The following MLLT3 variants were observed in gnomAD, a reference collection of about 807,000 sequenced individuals.
MLLT3 encodes MLLT3 super elongation complex subunit, also known as protein AF-9.
Under a neutral mutation model 53.2 loss-of-function variants are expected in MLLT3, and 4 were observed. That is an observed-to-expected ratio of 0.08 (90% CI 0.04 to 0.17). MLLT3 has a LOEUF of 0.17. MLLT3 is among the 10% of genes least tolerant of loss of function. The pLI is 1.00. For missense variants in MLLT3, 569 were observed against 684.0 expected (o/e 0.83, Z 1.87); for synonymous variants, 283 against 230.6 (o/e 1.23, Z -2.06).
At chr9:20,546,287 A>AAAAT (rs776627081) in intron 2 of MLLT3, among the ~76,000 whole-genome samples, 27 of 152,300 alleles carry the variant, frequency 1.8e-4, no homozygotes, top group African/African-American at 5.8e-4. Flanking sequence ...TGCCACTTAA[A>AAAAT]AAATAAATAA....
chr9:20,391,017 A>G (rs944333853), intron 5 of MLLT3, among the ~76,000 whole-genome samples: 7 of 152,238 alleles, frequency 4.6e-5, no homozygotes, highest in Non-Finnish European at 7.3e-5. Flanking sequence ...AAAATGCACA[A>G]TCTAGGCATA....
At position 20,622,398 on chromosome 9, in the gene MLLT3, T is replaced by C; in HGVS notation, c.-142A>G. The C allele has an allele frequency of 1.3e-6, 1 of 752,428 alleles. No homozygotes were observed. 46.6% of individuals were successfully genotyped at this position (752,428 alleles called of 1,614,324 possible). A position where few individuals can be genotyped will look rare whatever the true frequency, so the allele number is the denominator to read the frequency against. ...GGTAGATGGCGGACATTCTCTGCCT[T>C]TTTCCCCCCGCGCTCGCTTGCTCGC... On this transcript the variant is annotated 5_prime_UTR_variant, in exon 1 of 11. Coordinates refer to ENST00000380338, the MANE Select transcript of MLLT3 (RefSeq NM_004529.4).
At chr9:20,464,644 G>C (rs917008604) in intron 2 of MLLT3, among the ~76,000 whole-genome samples, 8 of 152,016 alleles carry the variant, frequency 5.3e-5, no homozygotes. Context: ...CATTTAAGTT[G>C]AGACCTGAAA....
At chr9:20,346,654 C>CAAATATGG in intron 10 of MLLT3, 80 bp from the exon 11 acceptor site, 1 of 1,344,786 alleles carries the variant, frequency 7.4e-7, no homozygotes, top group Non-Finnish European at 1.0e-6. Flanking sequence ...GAGGGGCGAT[C>CAAATATGG]AAATATGGAA....
At chr9:20,527,125 TG>T (rs1161444226) in intron 2 of MLLT3, among the ~76,000 whole-genome samples, 1 of 152,168 alleles carries the variant, frequency 6.6e-6, no homozygotes, top group Non-Finnish European at 1.5e-5. Flanking sequence ...GGTAAGGTTA[TG>T]TAACCAGCCT....
intron 2 of MLLT3, among the ~76,000 whole-genome samples, chr9:20,601,341 A>G (rs990177258): frequency 2.6e-5 from 4 of 152,226 alleles, no homozygotes; most frequent in Admixed American, 2.6e-4. Context: ...AAAAAAACAC[A>G]TGAAAACTTA....
At chr9:20,352,469 A>G (rs1821051886) in intron 10 of MLLT3, among the ~76,000 whole-genome samples, 1 of 152,202 alleles carries the variant, frequency 6.6e-6, no homozygotes, top group Admixed American at 6.5e-5. Context: ...ACCACCACTC[A>G]TGGTAGGCCA....
intron 2 of MLLT3, among the ~76,000 whole-genome samples, chr9:20,599,559 G>A (rs567238209): frequency 2.0e-5 from 3 of 151,798 alleles, no homozygotes; most frequent in Non-Finnish European, 2.9e-5. Flanking sequence ...CCAGACTTAG[G>A]CCTCAGAATC....
chr9:20,592,426 G>C (rs1299590615), intron 2 of MLLT3, among the ~76,000 whole-genome samples: 5 of 152,130 alleles, frequency 3.3e-5, no homozygotes, highest in African/African-American at 4.8e-5. Context: ...TTGGCTTACA[G>C]ATGGCTATCC....
At chr9:20,519,334 A>G (rs1817997904) in intron 2 of MLLT3, among the ~76,000 whole-genome samples, 1 of 152,222 alleles carries the variant, frequency 6.6e-6, no homozygotes, top group Non-Finnish European at 1.5e-5. Context: ...AGGAGTATAC[A>G]GGGACACTCT....
chr9:20,482,776 T>A (rs1212566216), intron 2 of MLLT3, among the ~76,000 whole-genome samples: 4 of 152,186 alleles, frequency 2.6e-5, no homozygotes, highest in African/African-American at 9.7e-5. Flanking sequence ...TTCAAATGAG[T>A]GTATATTTAT....
intron 8 of MLLT3, 35 bp downstream of exon 8, chr9:20,360,707 G>A: frequency 6.6e-7 from 1 of 1,513,710 alleles, no homozygotes; most frequent in Middle Eastern, 1.7e-4. Flanking sequence ...ACCTAGCTCT[G>A]CAGAGTCTTG....
intron 9 of MLLT3, among the ~76,000 whole-genome samples, chr9:20,354,153 G>A (rs536209436): frequency 6.6e-6 from 1 of 152,260 alleles, no homozygotes; most frequent in Non-Finnish European, 1.5e-5. Context: ...AGTGACAGAA[G>A]AACAGAAGAA....
At chr9:20,534,066 A>C (rs1818414925) in intron 2 of MLLT3, among the ~76,000 whole-genome samples, 1 of 152,180 alleles carries the variant, frequency 6.6e-6, no homozygotes, top group Non-Finnish European at 1.5e-5. Context: ...ACTCAATCCT[A>C]ATTTGTCAAT....
chr9:20,476,926 C>A (rs1440358196), intron 2 of MLLT3, among the ~76,000 whole-genome samples: 1 of 152,122 alleles, frequency 6.6e-6, no homozygotes, highest in East Asian at 1.9e-4. Context: ...ACAAACAAGT[C>A]TTTTCCATCT....
intron 9 of MLLT3, 25 bp downstream of exon 9, chr9:20,354,780 CCCT>C (rs1407712041): frequency 6.9e-7 from 1 of 1,443,444 alleles, no homozygotes; most frequent in Admixed American, 1.7e-5. Context: ...AGTGTTGGAG[CCCT>C]CCTAGTAACA....
chr9:20,512,217 C>T (rs1342839032), intron 2 of MLLT3, among the ~76,000 whole-genome samples: 1 of 152,172 alleles, frequency 6.6e-6, no homozygotes, highest in East Asian at 1.9e-4. Flanking sequence ...CAGATGTCTC[C>T]CTATCTGGCT....
chr9:20,462,829 A>G lies in MLLT3; in HGVS notation c.194-6043T>C, dbSNP rs565623166. Among the ~76,000 whole-genome samples, 6 of 152,258 alleles carry G rather than the reference A, an allele frequency of 3.9e-5. No individual in the cohort carries two copies. In the South Asian group the frequency reaches 1.2e-3, roughly 32 times the overall value. On this transcript the variant is annotated intron_variant, in intron 2 of 10. Coordinates refer to ENST00000380338, the MANE Select transcript of MLLT3 (RefSeq NM_004529.4). Reference sequence around the variant, plus strand: ...GAGTAAATTTGTGAAACATAACTTTAGCATGAGTTTTAAAAGAAGGGATAG... The same window carrying G: ...GAGTAAATTTGTGAAACATAACTTTGGCATGAGTTTTAAAAGAAGGGATAG...
intron 2 of MLLT3, among the ~76,000 whole-genome samples, chr9:20,554,931 A>C (rs1819016446): frequency 6.6e-6 from 1 of 152,256 alleles, no homozygotes; most frequent in Admixed American, 6.5e-5. Context: ...TAAATTAATA[A>C]CTGCCTAATG....
Sources: allele counts gnomAD v4.1 joint callset (sites outside exome capture counted in the v4.1 genomes callset), GRCh38; gene constraint gnomAD v4.1.1; transcripts MANE v1.5; gene names NCBI Gene and HGNC (gene_info 2026-07-23, HGNC 2026-07-21).